Variants in RAD23B observed in about 807,000 individuals in gnomAD.
The protein encoded by RAD23B is lysine-specific demethylase RAD23B.
RAD23B carries 5 observed loss-of-function variants against 49.1 expected under a neutral mutation model. That is an observed-to-expected ratio of 0.10 (90% CI 0.05 to 0.21). The LOEUF (loss-of-function observed/expected upper bound fraction) is 0.21. RAD23B is among the 10% of genes least tolerant of loss of function. The pLI is 1.00. For missense variants in RAD23B, 356 were observed against 486.7 expected, an observed-to-expected ratio of 0.73 and a Z score of 2.53; for synonymous variants, 184 against 165.4, an observed-to-expected ratio of 1.11 and a Z score of -0.86.
intron 5 of RAD23B, among the ~76,000 whole-genome samples, chr9:107,314,839 T>C (rs1170549647): frequency 6.6e-6 from 1 of 152,206 alleles, no homozygotes; most frequent in African/African-American, 2.4e-5. Context: ...CAACATCTGG[T>C]ATAAGATGGG....
chr9:107,323,714 T>A (rs1037289336), intron 7 of RAD23B, among the ~76,000 whole-genome samples, 176 bp from the exon 8 acceptor site: 1 of 152,212 alleles, frequency 6.6e-6, no homozygotes, highest in Non-Finnish European at 1.5e-5. Flanking sequence ...TTTTGCCGTA[T>A]AAAACTTGCA....
At position 107,283,523 on chromosome 9, in the gene RAD23B, C is replaced by A; in HGVS notation, c.-107C>A. 1 of 796,216 alleles carries A rather than the reference C, an allele frequency of 1.3e-6. No homozygotes were observed. The highest frequency in any genetic ancestry group is 1.8e-6 in the Non-Finnish European group (1 of 554,524). 49.3% of individuals were successfully genotyped at this position (796,216 alleles called of 1,614,324 possible). A position where few individuals can be genotyped will look rare whatever the true frequency, so the allele number is the denominator to read the frequency against. On this transcript the variant is annotated 5_prime_UTR_variant, in exon 1 of 10. Coordinates refer to ENST00000358015, the MANE Select transcript of RAD23B (RefSeq NM_002874.5). ...GCCCCCACCCCCACCGCCTTCCTCCCCAGAGCGCGAGGAGCGCGGGCGACC... is the reference window on the plus strand; with the variant it reads ...GCCCCCACCCCCACCGCCTTCCTCCACAGAGCGCGAGGAGCGCGGGCGACC...
intron 7 of RAD23B, among the ~76,000 whole-genome samples, chr9:107,323,241 A>G (rs978823910): frequency 2.0e-5 from 3 of 152,182 alleles, no homozygotes; most frequent in Non-Finnish European, 4.4e-5. Context: ...TTTAGACTGA[A>G]GAGTTTAGAT....
chr9:107,331,866 A>G lies in RAD23B; in HGVS notation c.*2210A>G. ...TGCTTCTTAAAGAATCAGCCGAGACACCATAAAAGAAATAGGCTTTTTGTG... is the reference window on the plus strand; with the variant it reads ...TGCTTCTTAAAGAATCAGCCGAGACGCCATAAAAGAAATAGGCTTTTTGTG... On this transcript the variant is annotated 3_prime_UTR_variant, in exon 10 of 10. Transcript: ENST00000358015. 3.7e-6 allele frequency: 2 copies of G among 533,462 alleles called. No homozygotes were observed. The highest frequency in any genetic ancestry group is 3.3e-5 in the Admixed American group (1 of 30,058). 33.0% of individuals were successfully genotyped at this position (533,462 alleles called of 1,614,324 possible).
Position 107,322,878 on chromosome 9 carries a change from A to G in RAD23B, c.817+760A>G, listed in dbSNP as rs768083498. The stretch of plus-strand genomic sequence containing the variant: ...ATTCAGCATATGGGAGTGGAAAGAG[A>G]TGACCACAGCTCTGCTTTGGATTTG... On this transcript the variant is annotated intron_variant, in intron 7 of 9. Coordinates refer to ENST00000358015, the MANE Select transcript of RAD23B (RefSeq NM_002874.5). 7.9e-5 allele frequency among the ~76,000 whole-genome samples: 12 copies of G among 152,258 alleles called. No individual in the cohort carries two copies. In the East Asian group the frequency reaches 1.9e-3, roughly 25 times the overall value.
intron 3 of RAD23B, among the ~76,000 whole-genome samples, chr9:107,303,074 T>C (rs1211646144): frequency 6.6e-6 from 1 of 152,226 alleles, no homozygotes; most frequent in Non-Finnish European, 1.5e-5. Context: ...TAAGAGACTA[T>C]TTATATACTT....
intron 1 of RAD23B, among the ~76,000 whole-genome samples, chr9:107,287,206 A>C (rs1220504346): frequency 6.7e-6 from 1 of 148,174 alleles, no homozygotes; most frequent in Non-Finnish European, 1.5e-5. Flanking sequence ...ACATTAAGAA[A>C]GGTAGATTTA....
Position 107,306,059 on chromosome 9 carries a change from ATATATATATATATCTATATATC to A in RAD23B, c.229-310_229-289del, listed in dbSNP as rs1490355232. Among the ~76,000 whole-genome samples, 48 of 114,798 alleles carry A rather than the reference ATATATATATATATCTATATATC, an allele frequency of 4.2e-4. 1 individual carries two copies. The Middle Eastern group carries it at 0.013, about 32-fold the overall frequency. The allele number at this position is 114,798 out of a possible 152,430, so 75.3% of individuals were successfully genotyped here. On this transcript the variant is annotated intron_variant, in intron 3 of 9. Coordinates refer to ENST00000358015, the MANE Select transcript of RAD23B (RefSeq NM_002874.5). ...AATGATACGGTTTATATCTATATAT[ATATATATATATATCTATATATC>A]TATATATATTTCAAATTTTTTATTT...
intron 1 of RAD23B, chr9:107,284,163 A>G (rs1833223638): frequency 1.0e-6 from 1 of 987,394 alleles, no homozygotes; most frequent in Non-Finnish European, 1.2e-6. Context: ...AAAAAAAAGT[A>G]TCAGGTTCCG....
chr9:107,297,860 C>A lies in RAD23B; in HGVS notation c.67-2281C>A, dbSNP rs1371796756. Among the ~76,000 whole-genome samples the A allele has an allele frequency of 2.6e-5, 4 of 151,994 alleles. No individual in the cohort carries two copies. The East Asian group carries it at 7.7e-4, about 29-fold the overall frequency. ...AAGTCTGTCTTATACTTCATTGTAA[C>A]CTGTCAAGAATGAGATATTCCTGCA... On this transcript the variant is annotated intron_variant, in intron 1 of 9. Coordinates refer to ENST00000358015, the MANE Select transcript of RAD23B (RefSeq NM_002874.5).
intron 1 of RAD23B, among the ~76,000 whole-genome samples, chr9:107,289,947 T>C (rs1357289247): frequency 6.6e-6 from 1 of 152,156 alleles, no homozygotes; most frequent in Non-Finnish European, 1.5e-5. Context: ...CTTGCTTAAA[T>C]TTATGAACAT....
intron 6 of RAD23B, among the ~76,000 whole-genome samples, chr9:107,319,277 C>T (rs1407754991): frequency 2.0e-5 from 3 of 151,802 alleles, no homozygotes; most frequent in Non-Finnish European, 2.9e-5. Flanking sequence ...ACCACAGGCG[C>T]CTGCCACCAT....
intron 1 of RAD23B, among the ~76,000 whole-genome samples, chr9:107,290,682 T>G (rs185748603): frequency 6.6e-6 from 1 of 152,374 alleles, no homozygotes; most frequent in East Asian, 1.9e-4. Flanking sequence ...CATGGAAATA[T>G]TTAGTGAATT....
At chr9:107,305,172 C>T (rs1378043664) in intron 3 of RAD23B, among the ~76,000 whole-genome samples, 1 of 151,900 alleles carries the variant, frequency 6.6e-6, no homozygotes, top group Admixed American at 6.6e-5. Context: ...AGTGTGAGCC[C>T]GTAGTCCCAG....
chr9:107,306,787 T>C, intron 4 of RAD23B, 140 bp downstream of exon 4: 2 of 926,758 alleles, frequency 2.2e-6, no homozygotes, highest in Non-Finnish European at 1.6e-6. Flanking sequence ...CTAAAACATA[T>C]GCTGCGTCTG....
chr9:107,323,381 A>T (rs1257706092), intron 7 of RAD23B, among the ~76,000 whole-genome samples: 1 of 152,192 alleles, frequency 6.6e-6, no homozygotes, highest in Admixed American at 6.5e-5. Flanking sequence ...CCTGATTTGC[A>T]AAACCTGACC....
intron 5 of RAD23B, among the ~76,000 whole-genome samples, chr9:107,315,728 G>C (rs1826979943): frequency 6.6e-6 from 1 of 151,964 alleles, no homozygotes. Context: ...TGGCCAGGCT[G>C]GTCTCGAACT....
At chr9:107,328,748 C>T (rs1016897542) in intron 9 of RAD23B, among the ~76,000 whole-genome samples, 8 of 152,176 alleles carry the variant, frequency 5.3e-5, no homozygotes, top group Admixed American at 1.3e-4. Flanking sequence ...TGCCAGTTCA[C>T]GGTCTTGGGG....
chr9:107,300,793 A>G (rs895577294), intron 2 of RAD23B, among the ~76,000 whole-genome samples: 26 of 152,286 alleles, frequency 1.7e-4, no homozygotes, highest in African/African-American at 5.5e-4. Context: ...TTGATATCCA[A>G]ATTTTTAGAG....
Sources: allele counts gnomAD v4.1 joint callset (sites outside exome capture counted in the v4.1 genomes callset), GRCh38; gene constraint gnomAD v4.1.1; transcripts MANE v1.5; gene names NCBI Gene and HGNC (gene_info 2026-07-23, HGNC 2026-07-21).